Variants in SPIDR observed in about 807,000 individuals in gnomAD.
SPIDR encodes the protein DNA repair-scaffolding protein.
Under a neutral mutation model 104.6 loss-of-function variants are expected in SPIDR, and 93 were observed. That is an observed-to-expected ratio of 0.89 (90% confidence interval 0.75 to 1.06). The LOEUF (loss-of-function observed/expected upper bound fraction) is 1.06, where lower values mean the gene tolerates loss of function less well. Ranked by LOEUF, SPIDR falls within the 50% of genes least tolerant of loss-of-function variation. SPIDR has a pLI of 0.00. For missense variants in SPIDR, 1,154 were observed against 1,111.2 expected (o/e 1.04, Z -0.55); for synonymous variants, 431 against 416.9 (o/e 1.03, Z -0.41).
intron 10 of SPIDR, among the ~76,000 whole-genome samples, chr8:47,618,888 A>C (rs2064729327): frequency 6.6e-6 from 1 of 152,252 alleles, no homozygotes; most frequent in African/African-American, 2.4e-5. Context: ...ATTATAATAA[A>C]TGAACAAGGT....
At chr8:47,340,717 G>A (rs2050599352) in intron 5 of SPIDR, among the ~76,000 whole-genome samples, 1 of 152,194 alleles carries the variant, frequency 6.6e-6, no homozygotes, top group South Asian at 2.1e-4. Flanking sequence ...CACATGTTTA[G>A]AAGGCTGGGC....
At chr8:47,269,331 C>T (rs748880420) in intron 1 of SPIDR, among the ~76,000 whole-genome samples, 79 of 151,912 alleles carry the variant, frequency 5.2e-4, no homozygotes, top group Middle Eastern at 6.8e-3. Flanking sequence ...CATCTCAGCT[C>T]GCTGCAACCT....
chr8:47,520,900 G>A (rs993326128), intron 8 of SPIDR, among the ~76,000 whole-genome samples: 2 of 152,156 alleles, frequency 1.3e-5, no homozygotes, highest in Non-Finnish European at 1.5e-5. Context: ...ACTTTTCCAG[G>A]GATATGGCTC....
chr8:47,622,675 A>G (rs1320804169), intron 10 of SPIDR, among the ~76,000 whole-genome samples: 2 of 152,172 alleles, frequency 1.3e-5, no homozygotes, highest in South Asian at 2.1e-4. Flanking sequence ...TCGGCCCTGC[A>G]TGGATGAGGC....
intron 1 of SPIDR, among the ~76,000 whole-genome samples, chr8:47,272,545 C>T (rs920873335): frequency 2.6e-5 from 4 of 152,302 alleles, no homozygotes; most frequent in African/African-American, 4.8e-5. Context: ...TCATCTTTTA[C>T]GGAGGGACTC....
chr8:47,462,037 C>A (rs951364228), intron 8 of SPIDR, among the ~76,000 whole-genome samples: 3 of 152,014 alleles, frequency 2.0e-5, no homozygotes, highest in Non-Finnish European at 4.4e-5. Context: ...TTCTTCTTTG[C>A]GTAGGCTATG....
chr8:47,701,694 C>T (rs949842487), intron 12 of SPIDR, 27 bp from the exon 13 acceptor site: 3 of 1,609,660 alleles, frequency 1.9e-6, no homozygotes, highest in African/African-American at 2.7e-5. Flanking sequence ...AATACATTCA[C>T]CTTCTACCTT....
chr8:47,537,687 A>G (rs528606152), intron 8 of SPIDR, among the ~76,000 whole-genome samples: 91 of 152,288 alleles, frequency 6.0e-4, no homozygotes, highest in African/African-American at 2.0e-3. Context: ...GAGTGAACCC[A>G]ATGTAAACTA....
At chr8:47,727,865 T>A (rs1312653062) in intron 17 of SPIDR, among the ~76,000 whole-genome samples, 1 of 152,188 alleles carries the variant, frequency 6.6e-6, no homozygotes. Flanking sequence ...ACGCCTGTAA[T>A]CCCAGCACTT....
chr8:47,561,559 A>G (rs943154233), intron 8 of SPIDR, among the ~76,000 whole-genome samples: 8 of 152,240 alleles, frequency 5.3e-5, no homozygotes, highest in Non-Finnish European at 7.4e-5. Context: ...TCTCTGATCA[A>G]CTGACTTTTA....
intron 5 of SPIDR, among the ~76,000 whole-genome samples, chr8:47,306,806 C>T (rs1457758573): frequency 6.6e-6 from 1 of 152,072 alleles, no homozygotes; most frequent in African/African-American, 2.4e-5. Flanking sequence ...TAATTTTTGT[C>T]TTCTTGTTGT....
chr8:47,494,890 C>A (rs1436989150), intron 8 of SPIDR, among the ~76,000 whole-genome samples: 2 of 152,072 alleles, frequency 1.3e-5, no homozygotes, highest in Non-Finnish European at 2.9e-5. Flanking sequence ...ATTTATGCAT[C>A]TTTTAGTAGG....
chr8:47,511,437 C>T, intron 8 of SPIDR: 2 of 795,094 alleles, frequency 2.5e-6, no homozygotes, highest in Admixed American at 3.4e-5. Context: ...CCTGATGTTC[C>T]TCCATATCCA....
At chr8:47,724,677 G>A (rs1266387849) in intron 16 of SPIDR, among the ~76,000 whole-genome samples, 1 of 152,222 alleles carries the variant, frequency 6.6e-6, no homozygotes, top group African/African-American at 2.4e-5. Flanking sequence ...TCTCTGAGCA[G>A]AGTTTAAAAG....
chr8:47,569,618 A>T (rs2058291467), intron 8 of SPIDR, among the ~76,000 whole-genome samples: 1 of 152,214 alleles, frequency 6.6e-6, no homozygotes, highest in Admixed American at 6.5e-5. Context: ...CTTCTGTTGA[A>T]TATTGTACTG....
At chr8:47,499,340 A>C (rs2079965698) in intron 8 of SPIDR, among the ~76,000 whole-genome samples, 1 of 152,158 alleles carries the variant, frequency 6.6e-6, no homozygotes, top group South Asian at 2.1e-4. Flanking sequence ...TGTTTGCACC[A>C]GTGTTGGCTC....
At chr8:47,437,418 T>C (rs1344120942) in intron 7 of SPIDR, among the ~76,000 whole-genome samples, 2 of 152,074 alleles carry the variant, frequency 1.3e-5, no homozygotes, top group Non-Finnish European at 2.9e-5. Context: ...ACAAAGGACA[T>C]GAACTCATCA....
chr8:47,691,523 A>G (rs1345716774), intron 11 of SPIDR, among the ~76,000 whole-genome samples: 1 of 152,166 alleles, frequency 6.6e-6, no homozygotes, highest in Non-Finnish European at 1.5e-5. Context: ...TTACTGAAAT[A>G]CTGCTTTATG....
chr8:47,525,661 C>A (rs146512236), intron 8 of SPIDR, among the ~76,000 whole-genome samples: 3 of 151,756 alleles, frequency 2.0e-5, no homozygotes, highest in Non-Finnish European at 4.4e-5. Context: ...ATTAGCCAGA[C>A]GTGGTGGCAT....
Sources: allele counts gnomAD v4.1 joint callset (sites outside exome capture counted in the v4.1 genomes callset), GRCh38; gene constraint gnomAD v4.1.1; transcripts MANE v1.5; gene names NCBI Gene and HGNC (gene_info 2026-07-23, HGNC 2026-07-21).